Variants in KIRREL3 observed in about 807,000 individuals in gnomAD.
KIRREL3 encodes kin of IRRE-like protein 3.
Under a neutral mutation model 89.7 loss-of-function variants are expected in KIRREL3, and 36 were observed. The observed-to-expected ratio is 0.40, with a 90% CI of 0.31 to 0.53. KIRREL3 has a LOEUF of 0.53. KIRREL3 is among the 20% of genes least tolerant of loss of function. KIRREL3 has a pLI of 0.49. For synonymous variants in KIRREL3, 445 were observed against 441.4 expected (o/e 1.01, Z -0.10); for missense variants, 864 against 1,056.6 (o/e 0.82, Z 2.53).
Position 126,772,455 on chromosome 11 carries a change from C to T in KIRREL3, c.56-209543G>A, listed in dbSNP as rs187372723. ...ACGTTTGGGAGGAGGATGCTTCAGC[C>T]GCTTGGCTTCTAACAGCTTTTGACA... On this transcript the variant is annotated intron_variant, in intron 1 of 16. Coordinates refer to ENST00000525144, the MANE Select transcript of KIRREL3 (RefSeq NM_032531.4). This position sits in a 1 kb window ranked among gnomAD's most constrained non-coding sequence, Gnocchi z 4.6. Among the ~76,000 whole-genome samples, 31 of 152,168 alleles carry T rather than the reference C, an allele frequency of 2.0e-4. No homozygotes were observed. The highest frequency in any genetic ancestry group is 3.9e-4 in the East Asian group (2 of 5,166).
chr11:126,939,505 A>G (rs1304343383), intron 1 of KIRREL3, among the ~76,000 whole-genome samples: 1 of 152,152 alleles, frequency 6.6e-6, no homozygotes, highest in Admixed American at 6.5e-5. Flanking sequence ...TATTTTCACA[A>G]GTTCCAATGC....
Position 126,463,066 on chromosome 11 carries a change from G to T in KIRREL3, c.742+91C>A. 2 of 1,280,350 alleles carry T rather than the reference G, an allele frequency of 1.6e-6. No individual in the cohort carries two copies. The highest frequency in any genetic ancestry group is 1.1e-6 in the Non-Finnish European group (1 of 907,004). 79.3% of individuals were successfully genotyped at this position (1,280,350 alleles called of 1,614,324 possible). On this transcript the variant is annotated intron_variant, in intron 6 of 16. Coordinates refer to ENST00000525144, the MANE Select transcript of KIRREL3 (RefSeq NM_032531.4). The surrounding 1 kb of genome is among the most constrained non-coding windows in gnomAD (Gnocchi z 5.9). The stretch of plus-strand genomic sequence containing the variant: ...CACAGAGCTGCCTGACCCATTTCCT[G>T]CTATCAGATGGGCCAGGCTATGGTC...
Position 126,561,003 on chromosome 11 carries a change from A to G in KIRREL3, c.133+1832T>C, listed in dbSNP as rs1489448844. 6.6e-6 allele frequency among the ~76,000 whole-genome samples: 1 copy of G among 152,264 alleles called. No homozygotes were observed. The highest frequency in any genetic ancestry group is 1.5e-5 in the Non-Finnish European group (1 of 68,052). On this transcript the variant is annotated intron_variant, in intron 2 of 16. Coordinates refer to ENST00000525144, the MANE Select transcript of KIRREL3 (RefSeq NM_032531.4). The surrounding 1 kb of genome is among the most constrained non-coding windows in gnomAD (Gnocchi z 4.5). ...GTATTGGTATGAGATAATTATAAAT[A>G]TAAAACAGCTCCGCATGCTTTCTGA... is the stretch of plus-strand genomic sequence containing the variant.
intron 1 of KIRREL3, among the ~76,000 whole-genome samples, chr11:126,831,435 T>TC (rs1943604007): frequency 2.0e-5 from 3 of 149,914 alleles, no homozygotes; most frequent in African/African-American, 4.9e-5. Context: ...CTCTCTCTCT[T>TC]TCTCTCTCTC....
Position 126,912,923 on chromosome 11 carries a change from C to G in KIRREL3, c.55+87532G>C, listed in dbSNP as rs7105810. On this transcript the variant is annotated intron_variant, in intron 1 of 16. Coordinates refer to ENST00000525144, the MANE Select transcript of KIRREL3 (RefSeq NM_032531.4). This position sits in a 1 kb window ranked among gnomAD's most constrained non-coding sequence, Gnocchi z 4.7. ...GAGGAGGGCATGCAGAGTGGTGACA[C>G]CTGGGGTGCACCCATCAGTCTAAGT... 6.6e-6 allele frequency among the ~76,000 whole-genome samples: 1 copy of G among 152,064 alleles called. No individual in the cohort carries two copies. Among genetic ancestry groups the G allele is most frequent in the African/African-American group, 2.4e-5 (1 of 41,382 alleles).
In KIRREL3 at chr11:126,563,466, A is replaced by G. The variant is rs1462896363; in HGVS notation, c.56-554T>C. 1.3e-5 allele frequency among the ~76,000 whole-genome samples: 2 copies of G among 152,184 alleles called. No homozygotes were observed. Among genetic ancestry groups the G allele is most frequent in the Non-Finnish European group, 2.9e-5 (2 of 68,030 alleles). ...GCGACACAGAGGTTAAGGTATAGGC[A>G]GAAGAGCTCTCTCTACCTTTTGGAG... On this transcript the variant is annotated intron_variant, in intron 1 of 16. Transcript: ENST00000525144. This position sits in a 1 kb window ranked among gnomAD's most constrained non-coding sequence, Gnocchi z 6.8.
At chr11:126,629,553 T>A (rs1943933124) in intron 1 of KIRREL3, among the ~76,000 whole-genome samples, 2 of 152,204 alleles carry the variant, frequency 1.3e-5, no homozygotes, top group African/African-American at 4.8e-5. Context: ...GCTGGATGCC[T>A]TCCACGTGCT....
chr11:126,563,464 G>A lies in KIRREL3; in HGVS notation c.56-552C>T, dbSNP rs1450311555. On this transcript the variant is annotated intron_variant, in intron 1 of 16. Coordinates refer to ENST00000525144, the MANE Select transcript of KIRREL3 (RefSeq NM_032531.4). The surrounding 1 kb of genome is among the most constrained non-coding windows in gnomAD (Gnocchi z 6.8). ...GGGCGACACAGAGGTTAAGGTATAG[G>A]CAGAAGAGCTCTCTCTACCTTTTGG... 6.6e-6 allele frequency among the ~76,000 whole-genome samples: 1 copy of A among 152,178 alleles called. No homozygotes were observed. The highest frequency in any genetic ancestry group is 6.5e-5 in the Admixed American group (1 of 15,290).
In KIRREL3 at chr11:126,636,960, G is replaced by A. The variant is rs117594420; in HGVS notation, c.56-74048C>T. On this transcript the variant is annotated intron_variant, in intron 1 of 16. Transcript: ENST00000525144. The surrounding 1 kb of genome is among the most constrained non-coding windows in gnomAD (Gnocchi z 4.4). ...GATGACTGAGGGATAAAAAGGCGAT[G>A]TGAAAGTCCCTAGGAGGGTAGGCAC... Among the ~76,000 whole-genome samples the A allele has an allele frequency of 2.0e-4, 30 of 152,326 alleles. No homozygotes were observed. In the East Asian group the frequency reaches 5.4e-3, roughly 27 times the overall value.
chr11:126,912,784 G>A lies in KIRREL3; in HGVS notation c.55+87671C>T, dbSNP rs1476059543. 6.6e-6 allele frequency among the ~76,000 whole-genome samples: 1 copy of A among 152,228 alleles called. No individual in the cohort carries two copies. The highest frequency in any genetic ancestry group is 1.5e-5 in the Non-Finnish European group (1 of 68,038). On this transcript the variant is annotated intron_variant, in intron 1 of 16. Transcript: ENST00000525144. This position sits in a 1 kb window ranked among gnomAD's most constrained non-coding sequence, Gnocchi z 4.7. ...CCTTCCATTCCTGCTGGCATGGCAG[G>A]TGAAGTATAGCGAAGAGGAACTTGG...
At position 126,496,749 on chromosome 11, in the gene KIRREL3, CA is replaced by C. The variant is rs376929825; in HGVS notation, c.434-23284del. ...ATGTTGGAGGGCCTGCGTGCGAACT[CA>C]AGGCCTGAGGCTGTAGGCAGGGAGT... On this transcript the variant is annotated intron_variant, in intron 4 of 16. Transcript: ENST00000525144. This position sits in a 1 kb window ranked among gnomAD's most constrained non-coding sequence, Gnocchi z 4.9. Among the ~76,000 whole-genome samples, 1,215 of 152,216 alleles carry C rather than the reference CA, an allele frequency of 8.0e-3. 22 individuals carry two copies. Among genetic ancestry groups the C allele is most frequent in the African/African-American group, 0.028 (1,168 of 41,524 alleles).
intron 1 of KIRREL3, among the ~76,000 whole-genome samples, chr11:126,593,453 T>C (rs1482244112): frequency 6.6e-6 from 1 of 152,134 alleles, no homozygotes; most frequent in Non-Finnish European, 1.5e-5. Flanking sequence ...GGAGGGGCCC[T>C]CGTGCTAAGT....
At chr11:126,758,783 C>T (rs752479853) in intron 1 of KIRREL3, among the ~76,000 whole-genome samples, 10 of 152,216 alleles carry the variant, frequency 6.6e-5, no homozygotes, top group South Asian at 4.2e-4. Flanking sequence ...ATAGCTGTGG[C>T]GCTAGATGAC....
Position 126,571,063 on chromosome 11 carries a change from G to A in KIRREL3, c.56-8151C>T, listed in dbSNP as rs1162012001. Among the ~76,000 whole-genome samples the A allele has an allele frequency of 1.3e-5, 2 of 152,196 alleles. No homozygotes were observed. The highest frequency in any genetic ancestry group is 1.9e-4 in the East Asian group (1 of 5,190). ...AGTCCCACAGCTGGCAAATGGTGAGGCTTGCCGTACACCTCCATGTTGGTG... is the reference window on the plus strand; with the variant it reads ...AGTCCCACAGCTGGCAAATGGTGAGACTTGCCGTACACCTCCATGTTGGTG... On this transcript the variant is annotated intron_variant, in intron 1 of 16. Transcript: ENST00000525144. This position sits in a 1 kb window ranked among gnomAD's most constrained non-coding sequence, Gnocchi z 7.7.
At chr11:126,499,262 C>T (rs1232635379) in intron 4 of KIRREL3, among the ~76,000 whole-genome samples, 8 of 151,968 alleles carry the variant, frequency 5.3e-5, no homozygotes, top group South Asian at 2.1e-4. Context: ...CCCTGGCTAA[C>T]GAAAATCCAT....
rs1946674586 is a variant in KIRREL3 at position 126,686,598 on chromosome 11, G to A, written c.56-123686C>T. On this transcript the variant is annotated intron_variant, in intron 1 of 16. Coordinates refer to ENST00000525144, the MANE Select transcript of KIRREL3 (RefSeq NM_032531.4). This position sits in a 1 kb window ranked among gnomAD's most constrained non-coding sequence, Gnocchi z 4.7. ...TTTTTTATTATTTTATTTTAATTTT[G>A]AGACAGAGTCTCACTGTGTGGCACA... is the stretch of plus-strand genomic sequence containing the variant. 6.6e-6 allele frequency among the ~76,000 whole-genome samples: 1 copy of A among 152,074 alleles called. No homozygotes were observed. The highest frequency in any genetic ancestry group is 6.6e-5 in the Admixed American group (1 of 15,264).
rs147494654 is a variant in KIRREL3, at chr11:126,583,119, C to T, written c.56-20207G>A. ...GATGTGGACAGCTGGCTCCCCGGGC[C>T]CCATACCTCCTGTGTGCTCCTGGAG... On this transcript the variant is annotated intron_variant, in intron 1 of 16. Coordinates refer to ENST00000525144, the MANE Select transcript of KIRREL3 (RefSeq NM_032531.4). 1.2e-3 allele frequency among the ~76,000 whole-genome samples: 181 copies of T among 152,268 alleles called. 2 individuals carry two copies. The highest frequency in any genetic ancestry group is 2.0e-3 in the Non-Finnish European group (134 of 68,016).
At chr11:126,800,755 C>T (rs1032487056) in intron 1 of KIRREL3, among the ~76,000 whole-genome samples, 1 of 152,166 alleles carries the variant, frequency 6.6e-6, no homozygotes, top group Non-Finnish European at 1.5e-5. Context: ...CAGGTGTGAA[C>T]TCCAGGCTTT....
At position 126,771,187 on chromosome 11, in the gene KIRREL3, C is replaced by G. The variant is rs1950009643; in HGVS notation, c.56-208275G>C. ...TGTATACCAAGTCTTGTGTTAGCTG[C>G]TTTTACAACCATTGTCTCAGTGCGT... is the stretch of plus-strand genomic sequence containing the variant. On this transcript the variant is annotated intron_variant, in intron 1 of 16. Transcript: ENST00000525144. This position sits in a 1 kb window ranked among gnomAD's most constrained non-coding sequence, Gnocchi z 4.4. 6.6e-6 allele frequency among the ~76,000 whole-genome samples: 1 copy of G among 152,040 alleles called. No homozygotes were observed. Among genetic ancestry groups the G allele is most frequent in the Admixed American group, 6.5e-5 (1 of 15,272 alleles).
Sources: gnomAD v4.1 joint callset for allele counts (sites outside exome capture counted in the v4.1 genomes callset) on GRCh38, gnomAD v4.1.1 for gene constraint, Gnocchi (gnomAD v3.1) non-coding constraint, MANE v1.5 for transcripts, NCBI Gene and HGNC (gene_info 2026-07-23, HGNC 2026-07-21) for gene names.